Variants in PTPRC observed in about 807,000 individuals in gnomAD.
PTPRC encodes the protein receptor-type tyrosine-protein phosphatase C.
In PTPRC, 44 loss-of-function variants were observed where a neutral mutation model predicts 155.9. That is an observed-to-expected ratio of 0.28 (90% CI 0.22 to 0.36). The LOEUF (loss-of-function observed/expected upper bound fraction) is 0.36. Among genes scored for constraint, PTPRC ranks in the 10% least tolerant of loss-of-function variants. The pLI, the probability that PTPRC is intolerant of heterozygous loss-of-function variation, is 1.00. For missense variants in PTPRC, 1,401 were observed against 1,564.6 expected (o/e 0.90, Z 1.76); for synonymous variants, 525 against 533.1 (o/e 0.98, Z 0.21).
At chr1:198,728,564 G>A in intron 16 of PTPRC, 116 bp downstream of exon 16, 2 of 1,248,884 alleles carry the variant, frequency 1.6e-6, no homozygotes, top group African/African-American at 1.5e-5. Flanking sequence ...AGAGAAGACA[G>A]CATACAGCCC....
At chr1:198,744,386 A>G (rs184654203) in intron 26 of PTPRC, among the ~76,000 whole-genome samples, 183 bp downstream of exon 26, 444 of 151,998 alleles carry the variant, frequency 2.9e-3, no homozygotes, top group Non-Finnish European at 4.5e-3. Context: ...CTACACAACT[A>G]TTACATAGGA....
intron 3 of PTPRC, 102 bp from the exon 4 acceptor site, chr1:198,696,610 C>T: frequency 1.1e-6 from 1 of 938,754 alleles, no homozygotes; most frequent in Non-Finnish European, 1.8e-6. Flanking sequence ...TGTACATACA[C>T]ACTATAGTGG....
Position 198,752,644 on chromosome 1 carries a change from G to C in PTPRC, c.3381G>C (p.Val1127=). 6.2e-7 allele frequency: 1 copy of C among 1,612,784 alleles called. No homozygotes were observed. Among genetic ancestry groups the C allele is most frequent in the Non-Finnish European group, 8.5e-7 (1 of 1,179,282 alleles). Residue 1127 remains valine (V), a synonymous_variant, in exon 31 of 33, where the codon GTG becomes GTC. Coordinates refer to ENST00000442510, the MANE Select transcript of PTPRC (RefSeq NM_002838.5). ...VYQYQYTNWS[V]EQLPAEPKEL... ...AGTACCAATATACAAACTGGAGTGT[G>C]GAGCAGCTTCCTGCAGAACCCAAGG...
chr1:198,754,400 C>T lies in PTPRC; in HGVS notation c.3641C>T (p.Thr1214Ile). Residue 1214 changes from threonine to isoleucine, a missense_variant, in exon 32 of 33, where the codon ACA (threonine) becomes ATA (isoleucine). By Grantham distance (89) the Thr-to-Ile change is moderately conservative. Transcript: ENST00000442510. ...LRKARPGMVSTFEQYQFLYDV... is the reference protein window; with the variant it reads ...LRKARPGMVSIFEQYQFLYDV... ...AAAGCTAGGCCAGGCATGGTTTCCA[C>T]ATTCGTAAGTATCCTTCACCATTGC... The T allele has an allele frequency of 6.2e-7, 1 of 1,613,378 alleles. No homozygotes were observed. Among genetic ancestry groups the T allele is most frequent in the Non-Finnish European group, 8.5e-7 (1 of 1,179,648 alleles).
Position 198,756,914 on chromosome 1 carries a change from C to A in PTPRC, c.*733C>A, listed in dbSNP as rs543348876. The A allele has an allele frequency of 5.9e-5, 9 of 151,880 alleles. No individual in the cohort carries two copies. In the South Asian group the frequency reaches 6.2e-4, roughly 11 times the overall value. 9.4% of individuals were successfully genotyped at this position (151,880 alleles called of 1,614,324 possible). On this transcript the variant is annotated 3_prime_UTR_variant, in exon 33 of 33. Transcript: ENST00000442510. Reference sequence around the variant, plus strand: ...TTCAATTTTGCATGCTCGATTATTCCCTGTACAATATTTAAAATTTATTGC... The same window carrying A: ...TTCAATTTTGCATGCTCGATTATTCACTGTACAATATTTAAAATTTATTGC...
At chr1:198,665,250 T>C (rs895563542) in intron 2 of PTPRC, among the ~76,000 whole-genome samples, 1 of 151,142 alleles carries the variant, frequency 6.6e-6, no homozygotes, top group Non-Finnish European at 1.5e-5. Context: ...CCGCCACGCC[T>C]GGCTAATTTT....
At chr1:198,698,697 A>G (rs1030127221) in intron 4 of PTPRC, among the ~76,000 whole-genome samples, 1 of 151,918 alleles carries the variant, frequency 6.6e-6, no homozygotes, top group African/African-American at 2.4e-5. Flanking sequence ...GTGTGTATAT[A>G]TATATTTGTA....
chr1:198,639,387 T>C, intron 2 of PTPRC, 46 bp downstream of exon 2: 1 of 1,432,098 alleles, frequency 7.0e-7, no homozygotes, highest in Non-Finnish European at 9.7e-7. Flanking sequence ...TTTTCTCTTT[T>C]GGAGGAATGT....
At chr1:198,673,095 C>CT (rs368633661) in intron 2 of PTPRC, among the ~76,000 whole-genome samples, 61 of 149,424 alleles carry the variant, frequency 4.1e-4, no homozygotes, top group African/African-American at 1.2e-3. Flanking sequence ...GGCCACATTG[C>CT]TTTTTTTTTT....
rs563352361 is a variant in PTPRC, at chr1:198,727,673, G to A, written c.1721-667G>A. ...CTGGAGCTGAGGCTCTTAAGTCACCGCATTATTTTGCTGCATTTTCACTAC... is the reference window on the plus strand; with the variant it reads ...CTGGAGCTGAGGCTCTTAAGTCACCACATTATTTTGCTGCATTTTCACTAC... On this transcript the variant is annotated intron_variant, in intron 15 of 32. Coordinates refer to ENST00000442510, the MANE Select transcript of PTPRC (RefSeq NM_002838.5). Among the ~76,000 whole-genome samples the A allele has an allele frequency of 5.9e-5, 9 of 152,158 alleles. No homozygotes were observed. The South Asian group carries it at 8.3e-4, about 14-fold the overall frequency.
intron 29 of PTPRC, 39 bp from the exon 30 acceptor site, chr1:198,752,210 A>G: frequency 1.3e-6 from 2 of 1,596,734 alleles, no homozygotes; most frequent in African/African-American, 1.3e-5. Flanking sequence ...GCATATTTCA[A>G]ATAGGAAACA....
At position 198,702,536 on chromosome 1, in the gene PTPRC, A is replaced by C; in HGVS notation, c.583+6A>C. On this transcript the variant is annotated splice_donor_region_variant and intron_variant, in intron 6 of 32. Transcript: ENST00000442510. ...CATCACAGCGAACACCTCAGGTCTG[A>C]CTATGCTGCTCTAGTAGTGTCTTCA... 1 of 1,614,156 alleles carries C rather than the reference A, an allele frequency of 6.2e-7. No individual in the cohort carries two copies. Among genetic ancestry groups the C allele is most frequent in the Non-Finnish European group, 8.5e-7 (1 of 1,180,010 alleles).
rs201088832 is a variant in PTPRC at position 198,656,639 on chromosome 1, G to GT, written c.73+17304dup. The stretch of plus-strand genomic sequence containing the variant: ...TCTGCTACACATCACAGGGCTACTA[G>GT]TTTTTTGTTTTTTGTTTTTTTTTTT... On this transcript the variant is annotated intron_variant, in intron 2 of 32. Transcript: ENST00000442510. Among the ~76,000 whole-genome samples the GT allele has an allele frequency of 9.6e-3, 813 of 84,986 alleles. 10 individuals are homozygous for GT. Among genetic ancestry groups the GT allele is most frequent in the South Asian group, 0.028 (53 of 1,898 alleles). The allele number at this position is 84,986 out of a possible 152,430, so 55.8% of individuals were successfully genotyped here.
chr1:198,733,596 A>G (rs1414977881), intron 20 of PTPRC, among the ~76,000 whole-genome samples: 2 of 151,810 alleles, frequency 1.3e-5, no homozygotes, highest in Non-Finnish European at 2.9e-5. Flanking sequence ...GGAAGAAGCC[A>G]GTATAATATT....
At chr1:198,675,079 C>T (rs1664875005) in intron 2 of PTPRC, among the ~76,000 whole-genome samples, 1 of 151,932 alleles carries the variant, frequency 6.6e-6, no homozygotes, top group African/African-American at 2.4e-5. Context: ...TTTAATGATC[C>T]TCTGAGATGT....
chr1:198,750,398 T>TA, intron 28 of PTPRC, 94 bp from the exon 29 acceptor site: 1 of 1,301,464 alleles, frequency 7.7e-7, no homozygotes, highest in Non-Finnish European at 1.1e-6. Context: ...ACAGCATTGA[T>TA]ATCAAACTGA....
In PTPRC at chr1:198,752,293, A is replaced by G; in HGVS notation, c.3252A>G (p.Gly1084=). 2 of 1,611,544 alleles carry G rather than the reference A, an allele frequency of 1.2e-6. No individual in the cohort carries two copies. Among genetic ancestry groups the G allele is most frequent in the East Asian group, 2.2e-5 (1 of 44,716 alleles). Residue 1084 remains glycine, a synonymous_variant, in exon 30 of 33, where the codon GGA becomes GGG. Transcript: ENST00000442510. ...GGGGAGAAGGAAAGCAAACATATGG[A>G]GATATTGAAGTTGACCTGAAAGACA... ...QYWGEGKQTY[G]DIEVDLKDTD...
chr1:198,731,113 C>A lies in PTPRC; in HGVS notation c.1865-504C>A, dbSNP rs553672872. Among the ~76,000 whole-genome samples, 58 of 152,054 alleles carry A rather than the reference C, an allele frequency of 3.8e-4. No individual in the cohort carries two copies. In the South Asian group the frequency reaches 0.012, roughly 32 times the overall value. On this transcript the variant is annotated intron_variant, in intron 17 of 32. Transcript: ENST00000442510. ...TGTGTTTCATATACTTGAAGCATAA[C>A]AAATTAATACAACTTGTTTCACCAT... is the stretch of plus-strand genomic sequence containing the variant.
chr1:198,726,944 C>T (rs1340340786), intron 15 of PTPRC, among the ~76,000 whole-genome samples: 1 of 150,810 alleles, frequency 6.6e-6, no homozygotes, highest in Admixed American at 6.6e-5. Flanking sequence ...CTCACTGCAA[C>T]CTCTGCCTCC....
Sources: allele counts gnomAD v4.1 joint callset (sites outside exome capture counted in the v4.1 genomes callset), GRCh38; gene constraint gnomAD v4.1.1; transcripts MANE v1.5; gene names NCBI Gene and HGNC (gene_info 2026-07-23, HGNC 2026-07-21).